MPC2: variants seen among roughly 807,000 people sequenced by gnomAD.
The protein encoded by MPC2 is mitochondrial pyruvate carrier 2.
MPC2 carries 19 observed loss-of-function variants against 19.2 expected under a neutral mutation model. The ratio of observed to expected loss-of-function variants is 0.99; its 90% CI spans 0.69 to 1.45. The LOEUF is 1.45. Ranked by LOEUF, MPC2 falls within the 40% of genes most tolerant of loss-of-function variation. MPC2 has a pLI of 0.00. For missense variants in MPC2, 122 were observed against 153.0 expected, an observed-to-expected ratio of 0.80 and a Z score of 1.07; for synonymous variants, 61 against 54.3, an observed-to-expected ratio of 1.12 and a Z score of -0.54.
At chr1:167,935,094 A>G (rs140658846) in intron 2 of MPC2, among the ~76,000 whole-genome samples, 261 of 152,346 alleles carry the variant, frequency 1.7e-3, no homozygotes, top group Non-Finnish European at 3.1e-3. Flanking sequence ...GGTCACAACT[A>G]TAAGTGGTAG....
At position 167,918,024 on chromosome 1, in the gene MPC2, T is replaced by C. The variant is rs1465509312; in HGVS notation, c.*299A>G. The stretch of plus-strand genomic sequence containing the variant: ...CAACTTCTTGAATTTGTGTGTTCTT[T>C]TATGTACATATGTTGGCTGACTGGA... On this transcript the variant is annotated 3_prime_UTR_variant, in exon 6 of 6. Coordinates refer to ENST00000271373, the MANE Select transcript of MPC2 (RefSeq NM_001143674.4). 12 of 242,294 alleles carry C rather than the reference T, an allele frequency of 5.0e-5. No individual in the cohort carries two copies. The highest frequency in any genetic ancestry group is 8.7e-5 in the Non-Finnish European group (11 of 126,288). 15.0% of individuals were successfully genotyped at this position (242,294 alleles called of 1,614,324 possible). A position where few individuals can be genotyped will look rare whatever the true frequency, so the allele number is the denominator to read the frequency against.
In MPC2 at chr1:167,935,856, C is replaced by G; in HGVS notation, c.-15G>C. The G allele has an allele frequency of 3.2e-6, 5 of 1,543,478 alleles. No homozygotes were observed. The highest frequency in any genetic ancestry group is 4.4e-6 in the Non-Finnish European group (5 of 1,141,568). The stretch of plus-strand genomic sequence containing the variant: ...GCGGCCGACATCGCCGCCGAGGGAT[C>G]GTTGGCAGCCGGGTGGGAGCGTGGC... On this transcript the variant is annotated 5_prime_UTR_variant, in exon 2 of 6. Coordinates refer to ENST00000271373, the MANE Select transcript of MPC2 (RefSeq NM_001143674.4).
At chr1:167,936,102 C>T (rs1345614050) in intron 1 of MPC2, 2 of 544,058 alleles carry the variant, frequency 3.7e-6, no homozygotes, top group Non-Finnish European at 6.7e-6. Context: ...AGGGAGGAGC[C>T]ATGGCAACAG....
intron 2 of MPC2, among the ~76,000 whole-genome samples, chr1:167,925,368 A>G (rs1481902778): frequency 1.3e-5 from 2 of 148,892 alleles, no homozygotes; most frequent in Non-Finnish European, 3.0e-5. Context: ...GTAGAGTTGG[A>G]AGCAGTTTAT....
chr1:167,925,851 A>T (rs767454867), intron 2 of MPC2, among the ~76,000 whole-genome samples: 1 of 152,154 alleles, frequency 6.6e-6, no homozygotes, highest in Non-Finnish European at 1.5e-5. Context: ...CCGGCCACAA[A>T]TAACTTTTAA....
At chr1:167,926,104 C>T (rs1301773462) in intron 2 of MPC2, among the ~76,000 whole-genome samples, 1 of 152,192 alleles carries the variant, frequency 6.6e-6, no homozygotes, top group Non-Finnish European at 1.5e-5. Context: ...GACTACTCAG[C>T]CCATTATAAT....
At chr1:167,919,298 G>A (rs1670543501) in intron 5 of MPC2, among the ~76,000 whole-genome samples, 1 of 151,984 alleles carries the variant, frequency 6.6e-6, no homozygotes, top group Non-Finnish European at 1.5e-5. Flanking sequence ...ACCATACCTT[G>A]GGCTTCATTT....
chr1:167,925,410 G>T (rs1670708867), intron 2 of MPC2, among the ~76,000 whole-genome samples: 2 of 131,012 alleles, frequency 1.5e-5, no homozygotes, highest in African/African-American at 2.8e-5. Context: ...ATATATGTAT[G>T]TGTATATATA....
chr1:167,919,617 C>T (rs1238099618), intron 5 of MPC2, among the ~76,000 whole-genome samples: 1 of 152,046 alleles, frequency 6.6e-6, no homozygotes, highest in South Asian at 2.1e-4. Context: ...AAAAGGTTTA[C>T]ATAAGAAATT....
At chr1:167,930,710 A>G (rs1670882894) in intron 2 of MPC2, among the ~76,000 whole-genome samples, 1 of 152,226 alleles carries the variant, frequency 6.6e-6, no homozygotes, top group Non-Finnish European at 1.5e-5. Context: ...CGACTAGAAC[A>G]CAGTTTCTTT....
chr1:167,935,962 G>C (rs1372024912), intron 1 of MPC2, 64 bp from the exon 2 acceptor site: 7 of 742,064 alleles, frequency 9.4e-6, no homozygotes, highest in Admixed American at 9.4e-5. Context: ...CTCTCGCCTG[G>C]AGTACCCTTC....
intron 2 of MPC2, among the ~76,000 whole-genome samples, chr1:167,929,346 C>T (rs138864557): frequency 0.015 from 2,316 of 151,280 alleles, 54 homozygotes; most frequent in African/African-American, 0.052. Flanking sequence ...GCAATAAGAG[C>T]GAAACTCCGT....
rs1044220055 is a variant in MPC2, at chr1:167,920,010, C to A, written c.316G>T (p.Ala106Ser). The A allele has an allele frequency of 6.2e-7, 1 of 1,613,370 alleles. No homozygotes were observed. The highest frequency in any genetic ancestry group is 8.5e-7 in the Non-Finnish European group (1 of 1,179,620). The change falls in exon 5 of 6, where the codon GCA (alanine) becomes TCA (serine). Residue 106 changes from alanine (A) to serine (S), a missense_variant. Ala to Ser is a moderately conservative substitution (Grantham distance 99). Transcript: ENST00000271373. ...LFAVNFFVGA[A>S]GASQLFRIWR... ...ATACGAAAAAGCTGAGAGGCTCCTGCTGCCCCCACAAAGAAATTAACAGCA... is the reference window on the plus strand; with the variant it reads ...ATACGAAAAAGCTGAGAGGCTCCTGATGCCCCCACAAAGAAATTAACAGCA...
intron 1 of MPC2, 50 bp from the exon 2 acceptor site, chr1:167,935,948 C>T (rs1336455512): frequency 1.2e-6 from 1 of 825,518 alleles, no homozygotes; most frequent in Non-Finnish European, 2.0e-6. Context: ...CGACTCGCGT[C>T]CGCCTCTCGC....
At chr1:167,927,690 G>T (rs1048738835) in intron 2 of MPC2, among the ~76,000 whole-genome samples, 2 of 147,378 alleles carry the variant, frequency 1.4e-5, no homozygotes, top group African/African-American at 2.6e-5. Context: ...GTTAATAGTC[G>T]ATCTTTTCAG....
intron 5 of MPC2, 67 bp from the exon 6 acceptor site, chr1:167,918,426 T>C: frequency 9.8e-7 from 1 of 1,023,342 alleles, no homozygotes; most frequent in Non-Finnish European, 1.5e-6. Context: ...AAGGAGAGAA[T>C]GGGAAGCATA....
intron 2 of MPC2, among the ~76,000 whole-genome samples, chr1:167,932,768 C>T (rs1285993541): frequency 5.6e-5 from 8 of 143,642 alleles, no homozygotes; most frequent in Non-Finnish European, 8.9e-5. Flanking sequence ...CAGATCACAC[C>T]ACTGCACTCC....
intron 2 of MPC2, among the ~76,000 whole-genome samples, chr1:167,935,208 G>A (rs1671064334): frequency 6.6e-6 from 1 of 152,118 alleles, no homozygotes; most frequent in Admixed American, 6.5e-5. Context: ...TGGACCTATG[G>A]GATGAGAAAT....
In MPC2 at chr1:167,920,047, AT is replaced by A; in HGVS notation, c.278del (p.Asn93IlefsTer29). 6.2e-7 allele frequency: 1 copy of A among 1,613,540 alleles called. No homozygotes were observed. On this transcript the variant is annotated frameshift_variant, in exon 5 of 6. Transcript: ENST00000271373. LOFTEE classifies it high-confidence loss of function. ...SRYSLVIIPK[N>X]WSLFAVNFFV... ...AGAAATTAACAGCAAACAGACTCCA[AT>A]TTTTTGGAATAATTACAAGTGAGTA... is the stretch of plus-strand genomic sequence containing the variant.
Sources: allele counts gnomAD v4.1 joint callset (sites outside exome capture counted in the v4.1 genomes callset), GRCh38; gene constraint gnomAD v4.1.1; transcripts MANE v1.5; gene names NCBI Gene and HGNC (gene_info 2026-07-23, HGNC 2026-07-21).